CCDC102A: variants seen among roughly 807,000 people sequenced by gnomAD.
The protein encoded by CCDC102A is coiled-coil domain containing 102A.
In CCDC102A, 40 loss-of-function variants were observed where a neutral mutation model predicts 55.5. That is an observed-to-expected ratio of 0.72 (90% confidence interval 0.56 to 0.94). CCDC102A has a LOEUF of 0.94. Among genes scored for constraint, CCDC102A ranks in the 40% least tolerant of loss-of-function variants. The probability of loss-of-function intolerance (pLI) is 0.00; values close to 1 mark genes in which losing one functional copy is unlikely to be tolerated. For synonymous variants in CCDC102A, 323 were observed against 339.0 expected (o/e 0.95, Z 0.52); for missense variants, 779 against 768.6 (o/e 1.01, Z -0.16).
chr16:57,528,714 C>T lies in CCDC102A; in HGVS notation c.464G>A (p.Arg155His), dbSNP rs2146712933. The T allele has an allele frequency of 8.9e-7, 1 of 1,127,620 alleles. No individual in the cohort carries two copies. The highest frequency in any genetic ancestry group is 2.9e-5 in the South Asian group (1 of 35,082). 69.9% of individuals were successfully genotyped at this position (1,127,620 alleles called of 1,614,324 possible). A position where few individuals can be genotyped will look rare whatever the true frequency, so the allele number is the denominator to read the frequency against. Residue 155 changes from arginine to histidine, a missense_variant, in exon 2 of 9, where the codon CGC becomes CAC. Arg to His is a conservative substitution (Grantham distance 29, BLOSUM62 0). Transcript: ENST00000258214. ...EAQGECEARG[R>H]ELARLRGARG... is the part of the protein sequence containing the mutation. ...GGCGCCCCTCAGCCGCGCCAGCTCG[C>T]GGCCCCGTGCCTCGCACTCGCCCTG...
At chr16:57,533,797 C>T (rs1457038267) in intron 1 of CCDC102A, among the ~76,000 whole-genome samples, 1 of 152,214 alleles carries the variant, frequency 6.6e-6, no homozygotes, top group East Asian at 1.9e-4. Flanking sequence ...CACTGAGGGG[C>T]AGCAGCAGCG....
Position 57,512,640 on chromosome 16 carries a change from G to T in CCDC102A, c.*101C>A. The T allele has an allele frequency of 2.1e-6, 3 of 1,417,986 alleles. No individual in the cohort carries two copies. Among genetic ancestry groups the T allele is most frequent in the Non-Finnish European group, 2.9e-6 (3 of 1,051,674 alleles). 87.8% of individuals were successfully genotyped at this position (1,417,986 alleles called of 1,614,324 possible). ...AAGAAAGTCGGCTGTGGCAGGGACT[G>T]GTCCCAGAGTGAGCCTAGGCACTGC... On this transcript the variant is annotated 3_prime_UTR_variant, in exon 9 of 9. Transcript: ENST00000258214.
Position 57,528,849 on chromosome 16 carries a change from T to G in CCDC102A, c.329A>C (p.Lys110Thr). ...CGCGCGGTTGCGCTCAGCGCGCACC[T>G]TGCTCCATTTCTCGCGCCAATTGGC... ...CTANWREKWS[K>T]VRAERNRARE... Residue 110 changes from lysine (K) to threonine (T), a missense_variant, in exon 2 of 9, where the codon AAG (lysine) becomes ACG (threonine). Lys to Thr is a moderately conservative substitution (Grantham distance 78). Coordinates refer to ENST00000258214, the MANE Select transcript of CCDC102A (RefSeq NM_033212.4). 1 of 1,339,170 alleles carries G rather than the reference T, an allele frequency of 7.5e-7. No individual in the cohort carries two copies. The highest frequency in any genetic ancestry group is 1.5e-5 in the South Asian group (1 of 67,116). The allele number at this position is 1,339,170 out of a possible 1,614,324, so 83.0% of individuals were successfully genotyped here. A position where few individuals can be genotyped will look rare whatever the true frequency, so the allele number is the denominator to read the frequency against.
At position 57,516,560 on chromosome 16, in the gene CCDC102A, T is replaced by C; in HGVS notation, c.1249-97A>G. On this transcript the variant is annotated intron_variant, in intron 6 of 8. Coordinates refer to ENST00000258214, the MANE Select transcript of CCDC102A (RefSeq NM_033212.4). The surrounding 1 kb of genome is among the most constrained non-coding windows in gnomAD (Gnocchi z 4.4). ...CCACGAGGTCAGGCAGTTCTAGGGA[T>C]GCTGGGTGTCTCTCCTTCCCAGAAT... The C allele has an allele frequency of 1.0e-6, 1 of 952,864 alleles. No homozygotes were observed. The highest frequency in any genetic ancestry group is 1.6e-6 in the Non-Finnish European group (1 of 620,078). The allele number at this position is 952,864 out of a possible 1,614,324, so 59.0% of individuals were successfully genotyped here.
chr16:57,528,888 C>T lies in CCDC102A; in HGVS notation c.290G>A (p.Trp97Ter). ...GCGCCAATTGGCAGTGCAGTCCGAC[C>T]ACCGGCGCATGGTCTTCTCCATCTG... ...AAQMEKTMRR[W>*]SDCTANWREK... The change falls in exon 2 of 9, where the codon TGG (tryptophan) becomes TAG (stop). Residue 97 changes from tryptophan to a stop codon, truncating the protein, a stop_gained. Coordinates refer to ENST00000258214, the MANE Select transcript of CCDC102A (RefSeq NM_033212.4). LOFTEE classifies it high-confidence loss of function. 7.2e-7 allele frequency: 1 copy of T among 1,397,030 alleles called. No individual in the cohort carries two copies. Among genetic ancestry groups the T allele is most frequent in the Non-Finnish European group, 9.3e-7 (1 of 1,070,152 alleles). The allele number at this position is 1,397,030 out of a possible 1,614,324, so 86.5% of individuals were successfully genotyped here. A position where few individuals can be genotyped will look rare whatever the true frequency, so the allele number is the denominator to read the frequency against.
At chr16:57,532,567 CACA>C (rs1439663289) in intron 1 of CCDC102A, among the ~76,000 whole-genome samples, 2 of 152,190 alleles carry the variant, frequency 1.3e-5, no homozygotes, top group Non-Finnish European at 2.9e-5. Flanking sequence ...CGGACAGGCA[CACA>C]ACGACACGGG....
chr16:57,512,903 G>A (rs1327824831), intron 8 of CCDC102A, 33 bp from the exon 9 acceptor site: 1 of 1,599,012 alleles, frequency 6.3e-7, no homozygotes, highest in Non-Finnish European at 8.5e-7. Context: ...GGTTAGAGCA[G>A]CCTGGCTGGT....
rs1002569298 is a variant in CCDC102A, at chr16:57,512,601, C to T, written c.*140G>A. 2.0e-5 allele frequency: 21 copies of T among 1,057,002 alleles called. No homozygotes were observed. In the African/African-American group the frequency reaches 3.0e-4, roughly 15 times the overall value. The allele number at this position is 1,057,002 out of a possible 1,614,324, so 65.5% of individuals were successfully genotyped here. On this transcript the variant is annotated 3_prime_UTR_variant, in exon 9 of 9. Coordinates refer to ENST00000258214, the MANE Select transcript of CCDC102A (RefSeq NM_033212.4). ...CGTTGGTAGGTGGGACTGTTGACGC[C>T]ATCCCTGGGAGAGAAGAAAGTCGGC...
chr16:57,535,981 C>A (rs1255298482), intron 1 of CCDC102A, among the ~76,000 whole-genome samples: 2 of 152,212 alleles, frequency 1.3e-5, no homozygotes, highest in Admixed American at 1.3e-4. Context: ...AAGCCGCTGG[C>A]CCTGCGAACC....
chr16:57,526,157 G>C lies in CCDC102A; in HGVS notation c.586-30C>G, dbSNP rs546713342. ...GGGGACCAAGGTGGAGGCTGGACCA[G>C]TGGCCGCCAAGCCAGGCCCTGGGTC... On this transcript the variant is annotated intron_variant, in intron 2 of 8. Transcript: ENST00000258214. The C allele has an allele frequency of 2.0e-6, 3 of 1,486,620 alleles. No individual in the cohort carries two copies. The South Asian group carries it at 3.8e-5, about 19-fold the overall frequency. The allele number at this position is 1,486,620 out of a possible 1,614,324, so 92.1% of individuals were successfully genotyped here.
At chr16:57,534,282 T>C (rs1281066364) in intron 1 of CCDC102A, among the ~76,000 whole-genome samples, 1 of 152,136 alleles carries the variant, frequency 6.6e-6, no homozygotes, top group African/African-American at 2.4e-5. Flanking sequence ...ACTTAGAGCT[T>C]CCATCAGGGC....
At chr16:57,517,439 C>A (rs774898423) in intron 6 of CCDC102A, among the ~76,000 whole-genome samples, 1 of 152,120 alleles carries the variant, frequency 6.6e-6, no homozygotes, top group Non-Finnish European at 1.5e-5. Flanking sequence ...CTCTGCCTCC[C>A]GGTTTCAAGT....
At position 57,516,477 on chromosome 16, in the gene CCDC102A, G is replaced by A. The variant is rs1195792147; in HGVS notation, c.1249-14C>T. On this transcript the variant is annotated splice_polypyrimidine_tract_variant and intron_variant, in intron 6 of 8. Coordinates refer to ENST00000258214, the MANE Select transcript of CCDC102A (RefSeq NM_033212.4). This position sits in a 1 kb window ranked among gnomAD's most constrained non-coding sequence, Gnocchi z 4.4. ...GTCTGCCAGCTCCTACAGGGCACAG[G>A]GATGGGGTGGGAGGGAGGAGGGAAT... The A allele has an allele frequency of 6.2e-7, 1 of 1,601,808 alleles. No individual in the cohort carries two copies. The highest frequency in any genetic ancestry group is 8.5e-7 in the Non-Finnish European group (1 of 1,177,790).
Position 57,516,505 on chromosome 16 carries a change from G to A in CCDC102A, c.1249-42C>T. 6.4e-7 allele frequency: 1 copy of A among 1,572,428 alleles called. No individual in the cohort carries two copies. The highest frequency in any genetic ancestry group is 1.1e-5 in the South Asian group (1 of 89,494). Reference sequence around the variant, plus strand: ...TGGGGTGGGAGGGAGGAGGGAATCAGTATCAGCTTGGGCGCCATGCCAGGG... The same window carrying A: ...TGGGGTGGGAGGGAGGAGGGAATCAATATCAGCTTGGGCGCCATGCCAGGG... On this transcript the variant is annotated intron_variant, in intron 6 of 8. Coordinates refer to ENST00000258214, the MANE Select transcript of CCDC102A (RefSeq NM_033212.4). The surrounding 1 kb of genome is among the most constrained non-coding windows in gnomAD (Gnocchi z 4.4).
chr16:57,531,240 C>T (rs546059179), intron 1 of CCDC102A, among the ~76,000 whole-genome samples: 1 of 152,066 alleles, frequency 6.6e-6, no homozygotes, highest in Non-Finnish European at 1.5e-5. Flanking sequence ...CCCCCCGTGA[C>T]CAGCTCCTCC....
In CCDC102A at chr16:57,512,696, C is replaced by T; in HGVS notation, c.*45G>A. ...TTTGAGTGGCTGGTTAGCCTGGACC[C>T]TGGGCAGGTATGGGGCGGCCCATCC... is the stretch of plus-strand genomic sequence containing the variant. On this transcript the variant is annotated 3_prime_UTR_variant, in exon 9 of 9. Coordinates refer to ENST00000258214, the MANE Select transcript of CCDC102A (RefSeq NM_033212.4). 1 of 1,586,754 alleles carries T rather than the reference C, an allele frequency of 6.3e-7. No individual in the cohort carries two copies. Among genetic ancestry groups the T allele is most frequent in the Non-Finnish European group, 8.6e-7 (1 of 1,165,272 alleles).
chr16:57,534,918 G>A (rs932792851), intron 1 of CCDC102A, among the ~76,000 whole-genome samples: 1 of 152,212 alleles, frequency 6.6e-6, no homozygotes, highest in Non-Finnish European at 1.5e-5. Flanking sequence ...AGCATGTTTG[G>A]ATGGGTCTCT....
chr16:57,533,337 C>T (rs1250833712), intron 1 of CCDC102A, among the ~76,000 whole-genome samples: 3 of 151,986 alleles, frequency 2.0e-5, no homozygotes, highest in Non-Finnish European at 4.4e-5. Flanking sequence ...CACCCCGCCC[C>T]CAGCACACCA....
chr16:57,518,477 C>T, intron 5 of CCDC102A, 148 bp downstream of exon 5: 1 of 792,668 alleles, frequency 1.3e-6, no homozygotes, highest in Non-Finnish European at 2.1e-6. Context: ...GAGAGGCCTG[C>T]CTCTTGCAGA....
Sources: allele counts gnomAD v4.1 joint callset (sites outside exome capture counted in the v4.1 genomes callset), GRCh38; gene constraint gnomAD v4.1.1; non-coding constraint Gnocchi (gnomAD v3.1); transcripts MANE v1.5; gene names NCBI Gene and HGNC (gene_info 2026-07-23, HGNC 2026-07-21).